BIRC2: variants seen among roughly 807,000 people sequenced by gnomAD.
The protein encoded by BIRC2 is baculoviral IAP repeat containing 2, also known as baculoviral IAP repeat-containing protein 2.
In BIRC2, 18 loss-of-function variants were observed where a neutral mutation model predicts 60.9. That is an observed-to-expected ratio of 0.30 (90% CI 0.20 to 0.44). The LOEUF is 0.44. BIRC2 is among the 20% of genes least tolerant of loss of function. The probability of loss-of-function intolerance (pLI) is 1.00; values close to 1 mark genes in which losing one functional copy is unlikely to be tolerated. For synonymous variants in BIRC2, 282 were observed against 247.7 expected, an observed-to-expected ratio of 1.14 and a Z score of -1.30; for missense variants, 701 against 728.5, an observed-to-expected ratio of 0.96 and a Z score of 0.43.
intron 3 of BIRC2, among the ~76,000 whole-genome samples, chr11:102,351,939 G>A (rs1951367290): frequency 6.6e-6 from 1 of 152,068 alleles, no homozygotes; most frequent in Non-Finnish European, 1.5e-5. Flanking sequence ...TTTTTTAAGT[G>A]TATAGTTGTG....
intron 6 of BIRC2, among the ~76,000 whole-genome samples, chr11:102,369,082 G>T (rs936808863): frequency 3.3e-5 from 5 of 151,876 alleles, no homozygotes; most frequent in African/African-American, 1.2e-4. Flanking sequence ...TATTCGTCCA[G>T]ATAGTATTAA....
intron 3 of BIRC2, among the ~76,000 whole-genome samples, chr11:102,358,771 T>G (rs1460304953): frequency 2.6e-5 from 4 of 152,220 alleles, no homozygotes; most frequent in African/African-American, 9.6e-5. Context: ...CTGCCCTATC[T>G]GATAAAACTT....
chr11:102,365,031 C>T (rs1412384699), intron 5 of BIRC2, among the ~76,000 whole-genome samples: 2 of 152,210 alleles, frequency 1.3e-5, no homozygotes, highest in Non-Finnish European at 2.9e-5. Context: ...ACCTTACTGT[C>T]AGTTTATAAT....
chr11:102,355,387 G>A (rs1317967528), intron 3 of BIRC2, among the ~76,000 whole-genome samples: 1 of 152,070 alleles, frequency 6.6e-6, no homozygotes, highest in Non-Finnish European at 1.5e-5. Context: ...TTTCAACATT[G>A]TGTGTTCTTT....
In BIRC2 at chr11:102,350,423, C is replaced by T; in HGVS notation, c.569C>T (p.Thr190Ile). The T allele has an allele frequency of 6.2e-7, 1 of 1,614,220 alleles. No homozygotes were observed. Among genetic ancestry groups the T allele is most frequent in the Non-Finnish European group, 8.5e-7 (1 of 1,180,036 alleles). The change falls in exon 2 of 9, where the codon ACC becomes ATC. Residue 190 changes from threonine (T) to isoleucine (I), a missense_variant. Physicochemically the swap from Thr to Ile is moderately conservative, Grantham distance 89 (BLOSUM62 -1). This residue lies in a region of BIRC2 where 375 missense variants were observed against 365.9 expected (regional missense o/e 1.02). Transcript: ENST00000227758. ...AMSTEEARFL[T>I]YHMWPLTFLS... ...AGTACTGAAGAAGCCAGATTTCTTACCTACCATATGTGGCCATTAACTTTT... is the reference window on the plus strand; with the variant it reads ...AGTACTGAAGAAGCCAGATTTCTTATCTACCATATGTGGCCATTAACTTTT...
At position 102,350,616 on chromosome 11, in the gene BIRC2, A is replaced by G; in HGVS notation, c.762A>G (p.Leu254=). ...ACTGTCCATTTTTGGAAAATTCTCT[A>G]GAAACTCTGAGGTTTAGCATTTCAA... ...FPNCPFLENS[L]ETLRFSISNL... Residue 254 remains leucine (L), a synonymous_variant, in exon 2 of 9, where the codon CTA becomes CTG. Coordinates refer to ENST00000227758, the MANE Select transcript of BIRC2 (RefSeq NM_001166.5). The G allele has an allele frequency of 6.2e-7, 1 of 1,614,186 alleles. No homozygotes were observed. Among genetic ancestry groups the G allele is most frequent in the East Asian group, 2.2e-5 (1 of 44,882 alleles).
chr11:102,351,008 CATGATT>C, intron 3 of BIRC2, 65 bp downstream of exon 3: 1 of 1,468,286 alleles, frequency 6.8e-7, no homozygotes, highest in Non-Finnish European at 9.4e-7. Flanking sequence ...GGCATGCCTA[CATGATT>C]TTGTTTACCT....
chr11:102,377,035 T>C (rs976740236), intron 6 of BIRC2, among the ~76,000 whole-genome samples: 10 of 152,140 alleles, frequency 6.6e-5, no homozygotes, highest in African/African-American at 2.4e-4. Flanking sequence ...GCTTATTCTT[T>C]CTTGTGATCT....
intron 5 of BIRC2, among the ~76,000 whole-genome samples, chr11:102,364,186 C>CACACACACACACACACAG (rs1338902901): frequency 1.0e-5 from 1 of 99,794 alleles, no homozygotes; most frequent in African/African-American, 4.2e-5. Flanking sequence ...CACACACACA[C>CACACACACACACACACAG]AGAGAGAGAG....
At chr11:102,370,524 T>C (rs1473364238) in intron 6 of BIRC2, among the ~76,000 whole-genome samples, 1 of 146,292 alleles carries the variant, frequency 6.8e-6, no homozygotes, top group Non-Finnish European at 1.5e-5. Context: ...CATTGATCTA[T>C]ATCTCTGTTT....
At chr11:102,357,654 TTTTA>T (rs930788994) in intron 3 of BIRC2, among the ~76,000 whole-genome samples, 4 of 152,162 alleles carry the variant, frequency 2.6e-5, no homozygotes, top group Non-Finnish European at 5.9e-5. Flanking sequence ...TTGGTTTTGA[TTTTA>T]TTTATTTTCG....
chr11:102,377,836 T>G, intron 7 of BIRC2, 21 bp from the exon 8 acceptor site: 1 of 1,600,998 alleles, frequency 6.2e-7, no homozygotes, highest in Non-Finnish European at 8.5e-7. Flanking sequence ...GAGTAATGGT[T>G]TTTATGTTTT....
chr11:102,364,804 TAGGA>T (rs1378995727), intron 5 of BIRC2, among the ~76,000 whole-genome samples: 25 of 150,404 alleles, frequency 1.7e-4, no homozygotes, highest in African/African-American at 5.6e-4. Context: ...TACTGGAAAA[TAGGA>T]AGGAGAGTAC....
rs866013284 is a variant in BIRC2 at position 102,349,360 on chromosome 11, A to G, written c.-495A>G. 6.6e-6 allele frequency: 1 copy of G among 152,454 alleles called. No individual in the cohort carries two copies. The highest frequency in any genetic ancestry group is 6.5e-5 in the Admixed American group (1 of 15,292). 9.4% of individuals were successfully genotyped at this position (152,454 alleles called of 1,614,324 possible). On this transcript the variant is annotated 5_prime_UTR_variant, in exon 2 of 9. It removes an upstream start codon present in the reference 5' UTR. Transcript: ENST00000227758. ...ATAAAATGAGATTTTTTGGGTTGTC[A>G]TGTTAAAGTGCTTATAGGGAAAGAA... is the stretch of plus-strand genomic sequence containing the variant.
chr11:102,350,262 A>G lies in BIRC2; in HGVS notation c.408A>G (p.Ala136=). 8 of 1,614,216 alleles carry G rather than the reference A, an allele frequency of 5.0e-6. No individual in the cohort carries two copies. The highest frequency in any genetic ancestry group is 6.8e-6 in the Non-Finnish European group (8 of 1,180,046). The stretch of plus-strand genomic sequence containing the variant: ...CGTCTCCAATGAGAAACAGTTTTGC[A>G]CATTCATTATCTCCCACCTTGGAAC... The part of the protein sequence containing the change: ...KNTSPMRNSF[A]HSLSPTLEHS... The change falls in exon 2 of 9, where the codon GCA becomes GCG. Residue 136 remains alanine, a synonymous_variant. Transcript: ENST00000227758.
rs963805044 is a variant in BIRC2 at position 102,368,638 on chromosome 11, T to C, written c.1366+90T>C. 4.6e-6 allele frequency: 7 copies of C among 1,505,774 alleles called. 1 individual carries two copies. The highest frequency in any genetic ancestry group is 2.7e-5 in the South Asian group (2 of 75,462). The allele number at this position is 1,505,774 out of a possible 1,614,324, so 93.3% of individuals were successfully genotyped here. The stretch of plus-strand genomic sequence containing the variant: ...TACAGGACACCATGCTTGTTTCACA[T>C]CCACTAACTGCTGGTAGCAGTCCTC... On this transcript the variant is annotated intron_variant, in intron 6 of 8. Coordinates refer to ENST00000227758, the MANE Select transcript of BIRC2 (RefSeq NM_001166.5).
At chr11:102,351,042 C>T in intron 3 of BIRC2, 99 bp downstream of exon 3, 2 of 1,045,502 alleles carry the variant, frequency 1.9e-6, no homozygotes, top group East Asian at 2.4e-5. Context: ...ATAACAAAGC[C>T]TCTTTTATGC....
In BIRC2 at chr11:102,367,963, G is replaced by A. The variant is rs372112788; in HGVS notation, c.1124-343G>A. Reference sequence around the variant, plus strand: ...AAGATTATTTCTCACTTCTAAGTTCGTATAGCATATTGGTTTCCAGAAATG... The same window carrying A: ...AAGATTATTTCTCACTTCTAAGTTCATATAGCATATTGGTTTCCAGAAATG... On this transcript the variant is annotated intron_variant, in intron 5 of 8. Transcript: ENST00000227758. Among the ~76,000 whole-genome samples the A allele has an allele frequency of 7.2e-5, 11 of 152,178 alleles. No homozygotes were observed. The East Asian group carries it at 9.7e-4, about 13-fold the overall frequency.
At chr11:102,353,412 C>T (rs1250046249) in intron 3 of BIRC2, among the ~76,000 whole-genome samples, 6 of 152,138 alleles carry the variant, frequency 3.9e-5, no homozygotes, top group Non-Finnish European at 8.8e-5. Context: ...TCACTGCAAC[C>T]TCCACCTCCT....
Sources: allele counts gnomAD v4.1 joint callset (sites outside exome capture counted in the v4.1 genomes callset), GRCh38; gene constraint gnomAD v4.1.1; regional missense constraint gnomAD v4.1.1; transcripts MANE v1.5; gene names NCBI Gene and HGNC (gene_info 2026-07-23, HGNC 2026-07-21).